The following SUSD4 variants were observed in gnomAD, a reference collection of about 807,000 sequenced individuals.
SUSD4 encodes the protein sushi domain containing 4, also known as sushi domain-containing protein 4.
Under a neutral mutation model 50.5 loss-of-function variants are expected in SUSD4, and 41 were observed. The ratio of observed to expected loss-of-function variants is 0.81; its 90% CI spans 0.63 to 1.05. The LOEUF (loss-of-function observed/expected upper bound fraction) is 1.05, where lower values mean the gene tolerates loss of function less well. Among genes scored for constraint, SUSD4 ranks in the 50% least tolerant of loss-of-function variants. The probability of loss-of-function intolerance (pLI) is 0.00; values close to 1 mark genes in which losing one functional copy is unlikely to be tolerated. For missense variants in SUSD4, 580 were observed against 634.7 expected, an observed-to-expected ratio of 0.91 and a Z score of 0.93; for synonymous variants, 257 against 257.3, an observed-to-expected ratio of 1.00 and a Z score of 0.01.
At chr1:223,235,175 T>C (rs1180198589) in intron 5 of SUSD4, 6 of 1,421,022 alleles carry the variant, frequency 4.2e-6, no homozygotes, top group Non-Finnish European at 5.7e-6. Context: ...CCTAAAGCCC[T>C]TTTCTTTCTA....
At chr1:223,292,709 C>T in intron 2 of SUSD4, 58 bp from the exon 3 acceptor site, 2 of 1,567,528 alleles carry the variant, frequency 1.3e-6, no homozygotes, top group Non-Finnish European at 1.7e-6. Flanking sequence ...ATGCCAAGGG[C>T]CTTCCTACAT....
intron 2 of SUSD4, among the ~76,000 whole-genome samples, chr1:223,321,605 C>T (rs1050868298): frequency 4.6e-5 from 7 of 152,198 alleles, no homozygotes; most frequent in African/African-American, 1.7e-4. Flanking sequence ...CTATCACTAG[C>T]GTAGAACTTA....
intron 2 of SUSD4, among the ~76,000 whole-genome samples, chr1:223,330,134 GC>G (rs1367426558): frequency 2.0e-4 from 30 of 152,292 alleles, no homozygotes; most frequent in African/African-American, 6.7e-4. Context: ...CTTTGGGAAA[GC>G]AACTCGCATT....
intron 5 of SUSD4, among the ~76,000 whole-genome samples, chr1:223,252,236 A>AAAAATATATATATAT (rs1343732568): frequency 1.1e-5 from 1 of 89,728 alleles, no homozygotes; most frequent in African/African-American, 4.1e-5. Flanking sequence ...AAAAAAAAAA[A>AAAAATATATATATAT]ATATATATAT....
intron 2 of SUSD4, among the ~76,000 whole-genome samples, chr1:223,343,638 A>G (rs532317095): frequency 6.6e-6 from 1 of 152,342 alleles, no homozygotes; most frequent in African/African-American, 2.4e-5. Flanking sequence ...AAAGAGACAC[A>G]CATCACTTTT....
chr1:223,220,893 C>A lies in SUSD4; in HGVS notation c.*1299G>T, dbSNP rs577605212. 10 of 398,578 alleles carry A rather than the reference C, an allele frequency of 2.5e-5. No individual in the cohort carries two copies. Among genetic ancestry groups the A allele is most frequent in the Admixed American group, 4.4e-5 (1 of 22,686 alleles). 24.7% of individuals were successfully genotyped at this position (398,578 alleles called of 1,614,324 possible). A position where few individuals can be genotyped will look rare whatever the true frequency, so the allele number is the denominator to read the frequency against. ...AACAGGACTTGATCAAGCTTCCAGC[C>A]CTCACCACTCTATCAGCATAGCAAT... On this transcript the variant is annotated 3_prime_UTR_variant, in exon 9 of 9. Transcript: ENST00000366878.
intron 2 of SUSD4, among the ~76,000 whole-genome samples, chr1:223,362,441 T>G (rs572493412): frequency 6.6e-6 from 1 of 152,212 alleles, no homozygotes; most frequent in South Asian, 2.1e-4. Context: ...ACAGGAATGA[T>G]GGACAGCAAT....
chr1:223,347,693 T>C (rs1031467405), intron 2 of SUSD4, among the ~76,000 whole-genome samples: 1 of 75,372 alleles, frequency 1.3e-5, no homozygotes, highest in Non-Finnish European at 2.8e-5. Flanking sequence ...AATGCTCAAA[T>C]GCATCCATGA....
chr1:223,361,764 T>C (rs1040113200), intron 2 of SUSD4, among the ~76,000 whole-genome samples: 1 of 152,164 alleles, frequency 6.6e-6, no homozygotes, highest in African/African-American at 2.4e-5. Flanking sequence ...CATGTGGACC[T>C]GGTTTGAGAG....
chr1:223,330,450 T>C (rs1558256331), intron 2 of SUSD4, among the ~76,000 whole-genome samples: 2 of 152,218 alleles, frequency 1.3e-5, no homozygotes, highest in Non-Finnish European at 2.9e-5. Context: ...CCTAAAACTC[T>C]CATTGCCTAT....
intron 2 of SUSD4, among the ~76,000 whole-genome samples, chr1:223,312,690 G>A (rs1451714280): frequency 6.6e-6 from 1 of 152,164 alleles, no homozygotes; most frequent in Admixed American, 6.5e-5. Context: ...GAGGCCCAAG[G>A]GTAGCAGATT....
intron 2 of SUSD4, among the ~76,000 whole-genome samples, chr1:223,356,795 AAAC>A (rs957715449): frequency 1.3e-4 from 20 of 152,228 alleles, no homozygotes; most frequent in South Asian, 6.2e-4. Context: ...GAAATTTAAC[AAAC>A]AACAACAAAA....
intron 2 of SUSD4, among the ~76,000 whole-genome samples, chr1:223,314,121 T>C (rs551411542): frequency 2.0e-5 from 3 of 152,310 alleles, no homozygotes; most frequent in Admixed American, 1.3e-4. Context: ...TCAAATTCTT[T>C]CTTGTGTAAG....
intron 2 of SUSD4, among the ~76,000 whole-genome samples, chr1:223,315,268 T>C (rs1156561918): frequency 6.6e-6 from 1 of 152,234 alleles, no homozygotes; most frequent in African/African-American, 2.4e-5. Context: ...AGGAGGACGT[T>C]AGAAGGTTGA....
chr1:223,352,613 G>C (rs1319101950), intron 2 of SUSD4, among the ~76,000 whole-genome samples: 3 of 152,158 alleles, frequency 2.0e-5, no homozygotes, highest in East Asian at 3.9e-4. Context: ...GGACTGCAGA[G>C]GATTTCCAGG....
chr1:223,282,959 T>G (rs187943300), intron 3 of SUSD4, among the ~76,000 whole-genome samples: 1 of 152,322 alleles, frequency 6.6e-6, no homozygotes, highest in Non-Finnish European at 1.5e-5. Flanking sequence ...ATCTGATCTT[T>G]GACAAACCTG....
chr1:223,308,437 G>C (rs1197980451), intron 2 of SUSD4, among the ~76,000 whole-genome samples: 2 of 152,082 alleles, frequency 1.3e-5, no homozygotes, highest in Non-Finnish European at 2.9e-5. Flanking sequence ...CCCAGCAGAG[G>C]CTAGCATCAT....
chr1:223,227,580 G>A lies in SUSD4; in HGVS notation c.1061+14C>T. ...TCAGACCTTGAGCCACAGCTGCCAAGACATGACACTGACCTGGGGGGAAAG... is the reference window on the plus strand; with the variant it reads ...TCAGACCTTGAGCCACAGCTGCCAAAACATGACACTGACCTGGGGGGAAAG... On this transcript the variant is annotated intron_variant, in intron 7 of 8. Transcript: ENST00000366878. The surrounding 1 kb of genome is among the most constrained non-coding windows in gnomAD (Gnocchi z 4.5). The A allele has an allele frequency of 6.2e-7, 1 of 1,611,792 alleles. No homozygotes were observed. The highest frequency in any genetic ancestry group is 8.5e-7 in the Non-Finnish European group (1 of 1,178,172).
intron 2 of SUSD4, among the ~76,000 whole-genome samples, chr1:223,326,705 T>C (rs763092543): frequency 7.9e-5 from 12 of 152,086 alleles, no homozygotes; most frequent in Non-Finnish European, 1.5e-4. Flanking sequence ...TAGATATTTC[T>C]CAAAAGAAGA....
Sources: allele counts gnomAD v4.1 joint callset (sites outside exome capture counted in the v4.1 genomes callset), GRCh38; gene constraint gnomAD v4.1.1; non-coding constraint Gnocchi (gnomAD v3.1); transcripts MANE v1.5; gene names NCBI Gene and HGNC (gene_info 2026-07-23, HGNC 2026-07-21).